The following CDC14B variants were observed in gnomAD, a reference collection of about 807,000 sequenced individuals.
The protein encoded by CDC14B is cell division cycle 14B.
In CDC14B, 22 loss-of-function variants were observed where a neutral mutation model predicts 64.2. That is an observed-to-expected ratio of 0.34 (90% CI 0.24 to 0.49). The LOEUF is 0.49. CDC14B is among the 20% of genes least tolerant of loss of function. The pLI is 0.99. For missense variants in CDC14B, 498 were observed against 629.9 expected, an observed-to-expected ratio of 0.79 and a Z score of 2.24; for synonymous variants, 191 against 215.8, an observed-to-expected ratio of 0.89 and a Z score of 1.01.
chr9:96,607,587 A>AT (rs927110401), intron 1 of CDC14B, among the ~76,000 whole-genome samples: 4 of 149,684 alleles, frequency 2.7e-5, no homozygotes, highest in Non-Finnish European at 4.5e-5. Context: ...CGCCTGGCTA[A>AT]TTTTTTTTTG....
chr9:96,494,463 C>T (rs890804655), intron 13 of CDC14B, among the ~76,000 whole-genome samples: 1 of 152,348 alleles, frequency 6.6e-6, no homozygotes, highest in Non-Finnish European at 1.5e-5. Flanking sequence ...TAAAACTTGG[C>T]TCCCTAGGCC....
At chr9:96,529,966 C>T (rs912001359) in intron 9 of CDC14B, among the ~76,000 whole-genome samples, 3 of 152,092 alleles carry the variant, frequency 2.0e-5, no homozygotes, top group Non-Finnish European at 2.9e-5. Flanking sequence ...TATATCCCTT[C>T]GGGCAATACT....
At chr9:96,583,960 C>G (rs1162995250) in intron 1 of CDC14B, among the ~76,000 whole-genome samples, 1 of 151,962 alleles carries the variant, frequency 6.6e-6, no homozygotes, top group Non-Finnish European at 1.5e-5. Flanking sequence ...CCTCGTGATC[C>G]GCCTGCCTCG....
intron 12 of CDC14B, among the ~76,000 whole-genome samples, chr9:96,513,613 G>C (rs1025252376): frequency 6.6e-6 from 1 of 152,124 alleles, no homozygotes; most frequent in African/African-American, 2.4e-5. Context: ...GCAACCCAAG[G>C]AACACGGCAA....
chr9:96,619,414 T>C lies in CDC14B; in HGVS notation c.-36A>G, dbSNP rs949470828. 3 of 1,130,026 alleles carry C rather than the reference T, an allele frequency of 2.7e-6. No homozygotes were observed. The highest frequency in any genetic ancestry group is 4.3e-5 in the East Asian group (1 of 23,032). 70.0% of individuals were successfully genotyped at this position (1,130,026 alleles called of 1,614,324 possible). A position where few individuals can be genotyped will look rare whatever the true frequency, so the allele number is the denominator to read the frequency against. Reference sequence around the variant, plus strand: ...GCGGCCCGTCAGGGGGCCACGACCATGGCCCCGCGCGCCCGCGCGCCCGCC... The same window carrying C: ...GCGGCCCGTCAGGGGGCCACGACCACGGCCCCGCGCGCCCGCGCGCCCGCC... On this transcript the variant is annotated 5_prime_UTR_variant, in exon 1 of 14. It removes an upstream start codon present in the reference 5' UTR. Transcript: ENST00000375241.
intron 1 of CDC14B, among the ~76,000 whole-genome samples, chr9:96,616,765 G>T (rs1232727604): frequency 1.3e-5 from 2 of 151,758 alleles, no homozygotes; most frequent in Non-Finnish European, 2.9e-5. Flanking sequence ...TGACTTTTTA[G>T]AAGTGTGCAT....
At chr9:96,519,879 A>G (rs1836409865) in intron 12 of CDC14B, among the ~76,000 whole-genome samples, 1 of 152,240 alleles carries the variant, frequency 6.6e-6, no homozygotes, top group Non-Finnish European at 1.5e-5. Flanking sequence ...CTAAGTGCCA[A>G]TGCTAAAGCA....
At chr9:96,519,752 A>G (rs867153251) in intron 12 of CDC14B, among the ~76,000 whole-genome samples, 1,751 of 150,966 alleles carry the variant, frequency 0.012, 31 homozygotes, top group African/African-American at 0.04. Context: ...AAAAAAAAAA[A>G]AGAGAAACCA....
At chr9:96,576,682 A>G (rs1006187651) in intron 1 of CDC14B, among the ~76,000 whole-genome samples, 13 of 152,022 alleles carry the variant, frequency 8.6e-5, no homozygotes, top group Non-Finnish European at 1.3e-4. Context: ...AATTATAACC[A>G]TCACACATAA....
At chr9:96,576,314 A>G (rs1197089474) in intron 1 of CDC14B, among the ~76,000 whole-genome samples, 2 of 151,284 alleles carry the variant, frequency 1.3e-5, no homozygotes, top group Non-Finnish European at 2.9e-5. Flanking sequence ...AAGCAATTAA[A>G]AGACAAAGGT....
In CDC14B at chr9:96,515,592, G is replaced by A. The variant is rs1835520033; in HGVS notation, c.1344-5803C>T. 2.1e-6 allele frequency: 3 copies of A among 1,453,698 alleles called. No homozygotes were observed. The highest frequency in any genetic ancestry group is 4.9e-5 in the Admixed American group (2 of 41,016). The allele number at this position is 1,453,698 out of a possible 1,614,324, so 90.0% of individuals were successfully genotyped here. On this transcript the variant is annotated intron_variant, in intron 12 of 13. Coordinates refer to ENST00000375241, the MANE Select transcript of CDC14B (RefSeq NM_033331.4). The surrounding 1 kb of genome is among the most constrained non-coding windows in gnomAD (Gnocchi z 4.3). ...ACAAGGAGAAAAACATGCATTGTGGGAACCACACTAGGCACCAGAAGTAAG... is the reference window on the plus strand; with the variant it reads ...ACAAGGAGAAAAACATGCATTGTGGAAACCACACTAGGCACCAGAAGTAAG...
intron 5 of CDC14B, among the ~76,000 whole-genome samples, chr9:96,549,850 G>C (rs1841546546): frequency 6.6e-6 from 1 of 152,150 alleles, no homozygotes; most frequent in South Asian, 2.1e-4. Context: ...TTAATAATTT[G>C]AAACATAGCA....
At chr9:96,531,572 A>G (rs1838488535) in intron 9 of CDC14B, among the ~76,000 whole-genome samples, 1 of 152,006 alleles carries the variant, frequency 6.6e-6, no homozygotes, top group East Asian at 1.9e-4. Flanking sequence ...TATTCTTCTT[A>G]AAGAACCAAC....
intron 6 of CDC14B, among the ~76,000 whole-genome samples, chr9:96,539,677 C>T (rs1460299226): frequency 6.6e-6 from 1 of 152,140 alleles, no homozygotes; most frequent in East Asian, 1.9e-4. Flanking sequence ...GCTCTGACAT[C>T]AACACTAAAA....
At chr9:96,552,334 T>C (rs530002600) in intron 4 of CDC14B, among the ~76,000 whole-genome samples, 3 of 152,304 alleles carry the variant, frequency 2.0e-5, no homozygotes, top group Admixed American at 6.5e-5. Context: ...GGGCTTGCAA[T>C]ACTGAACAAG....
intron 7 of CDC14B, among the ~76,000 whole-genome samples, chr9:96,537,285 C>T (rs1839406299): frequency 6.6e-6 from 1 of 151,972 alleles, no homozygotes; most frequent in African/African-American, 2.4e-5. Flanking sequence ...GAGACCCTGT[C>T]TCTAAAAAAG....
chr9:96,566,852 G>T, intron 1 of CDC14B: 1 of 1,589,976 alleles, frequency 6.3e-7, no homozygotes, highest in Non-Finnish European at 8.6e-7. Flanking sequence ...GCAGAGGCAA[G>T]GACTGCCAGC....
intron 5 of CDC14B, among the ~76,000 whole-genome samples, chr9:96,551,250 G>A (rs977045633): frequency 6.6e-6 from 1 of 151,596 alleles, no homozygotes; most frequent in African/African-American, 2.4e-5. Flanking sequence ...CCAAGTAGCT[G>A]GGACTACAGG....
intron 8 of CDC14B, 141 bp downstream of exon 8, chr9:96,534,314 G>T: frequency 1.3e-6 from 1 of 776,794 alleles, no homozygotes; most frequent in Non-Finnish European, 2.1e-6. Flanking sequence ...TTAAAATCCA[G>T]TCAGAATGAT....
Sources: gnomAD v4.1 joint callset for allele counts (sites outside exome capture counted in the v4.1 genomes callset) on GRCh38, gnomAD v4.1.1 for gene constraint, Gnocchi (gnomAD v3.1) non-coding constraint, MANE v1.5 for transcripts, NCBI Gene and HGNC (gene_info 2026-07-23, HGNC 2026-07-21) for gene names.